Variants in GNA14 observed in about 807,000 individuals in gnomAD.
The protein encoded by GNA14 is guanine nucleotide-binding protein subunit alpha-14.
GNA14 carries 50 observed loss-of-function variants against 42.0 expected under a neutral mutation model. The observed-to-expected ratio is 1.19, with a 90% CI of 0.95 to 1.51. The LOEUF is 1.51. GNA14 is among the 40% of genes most tolerant of loss of function. GNA14 has a pLI of 0.00. For synonymous variants in GNA14, 173 were observed against 163.1 expected (o/e 1.06, Z -0.46); for missense variants, 473 against 446.2 (o/e 1.06, Z -0.54).
chr9:77,639,144 T>C (rs1414783098), intron 1 of GNA14, among the ~76,000 whole-genome samples: 2 of 152,180 alleles, frequency 1.3e-5, no homozygotes, highest in African/African-American at 2.4e-5. Flanking sequence ...CTTTGTAATT[T>C]GGCGCTGCCC....
intron 1 of GNA14, among the ~76,000 whole-genome samples, chr9:77,632,321 G>A (rs558284797): frequency 6.6e-6 from 1 of 152,294 alleles, no homozygotes; most frequent in Admixed American, 6.5e-5. Flanking sequence ...CAGGCTCCTG[G>A]ACAGGAGGTG....
intron 2 of GNA14, among the ~76,000 whole-genome samples, chr9:77,461,439 TA>T (rs35727446): frequency 6.6e-6 from 1 of 152,294 alleles, no homozygotes; most frequent in South Asian, 2.1e-4. Flanking sequence ...TATTATATTC[TA>T]AAAAGTAAAA....
chr9:77,465,452 A>G (rs1328228015), intron 2 of GNA14, among the ~76,000 whole-genome samples: 1 of 152,196 alleles, frequency 6.6e-6, no homozygotes, highest in Non-Finnish European at 1.5e-5. Flanking sequence ...CTTTTTGGCT[A>G]TGAGCATTCA....
At chr9:77,583,033 G>A (rs1414397896) in intron 1 of GNA14, among the ~76,000 whole-genome samples, 3 of 152,102 alleles carry the variant, frequency 2.0e-5, no homozygotes, top group Admixed American at 6.5e-5. Flanking sequence ...TGAAATTGTC[G>A]GTCAAACTGC....
rs911519570 is a variant in GNA14, at chr9:77,612,571, G to T, written c.124+35099C>A. 2.0e-5 allele frequency among the ~76,000 whole-genome samples: 3 copies of T among 151,730 alleles called. No individual in the cohort carries two copies. The South Asian group carries it at 6.2e-4, about 32-fold the overall frequency. Reference sequence around the variant, plus strand: ...GACACAAGAGCAAAAGAAAGACAAAGTTCACTCCTGCTCAATATCACTAAT... The same window carrying T: ...GACACAAGAGCAAAAGAAAGACAAATTTCACTCCTGCTCAATATCACTAAT... On this transcript the variant is annotated intron_variant, in intron 1 of 6. Transcript: ENST00000341700.
At chr9:77,543,176 G>C (rs1336873983) in intron 1 of GNA14, among the ~76,000 whole-genome samples, 1 of 152,210 alleles carries the variant, frequency 6.6e-6, no homozygotes, top group African/African-American at 2.4e-5. Flanking sequence ...AAGTGGTGTT[G>C]GCCTAAGGGC....
intron 2 of GNA14, among the ~76,000 whole-genome samples, chr9:77,501,942 C>G (rs78010932): frequency 0.035 from 5,351 of 151,924 alleles, 222 homozygotes; most frequent in African/African-American, 0.099. Context: ...CTCTTGACTT[C>G]GTGATCCACC....
chr9:77,506,177 G>A (rs1038440777), intron 2 of GNA14, among the ~76,000 whole-genome samples: 36 of 151,586 alleles, frequency 2.4e-4, no homozygotes, highest in Non-Finnish European at 4.4e-5. Context: ...ACCTACTTGG[G>A]AGGCTGAGGT....
Position 77,423,938 on chromosome 9 carries a change from A to G in GNA14, c.*41T>C. The G allele has an allele frequency of 7.0e-7, 1 of 1,431,510 alleles. No individual in the cohort carries two copies. 88.7% of individuals were successfully genotyped at this position (1,431,510 alleles called of 1,614,324 possible). On this transcript the variant is annotated 3_prime_UTR_variant, in exon 7 of 7. Transcript: ENST00000341700. The stretch of plus-strand genomic sequence containing the variant: ...TTGCAAATAAAACAAGGAGTTTGCA[A>G]ATCACATCTTCTGTTATAGGGGAGG...
Position 77,428,971 on chromosome 9 carries a change from G to A in GNA14, c.659C>T (p.Thr220Ile). ...RKWIHCFESV[T>I]SIIFLVALSE... Reference sequence around the variant, plus strand: ...CAGAGCAACCAAGAAAATAATGGAGGTGACACTCTCAAAGCAGTGAATCCA... The same window carrying A: ...CAGAGCAACCAAGAAAATAATGGAGATGACACTCTCAAAGCAGTGAATCCA... The change falls in exon 5 of 7, where the codon ACC becomes ATC. Residue 220 changes from threonine (T) to isoleucine (I), a missense_variant. Transcript: ENST00000341700. The A allele has an allele frequency of 3.7e-6, 6 of 1,613,594 alleles. No individual in the cohort carries two copies. Among genetic ancestry groups the A allele is most frequent in the Non-Finnish European group, 5.1e-6 (6 of 1,179,578 alleles).
At chr9:77,489,139 C>G (rs564236400) in intron 2 of GNA14, among the ~76,000 whole-genome samples, 7 of 151,900 alleles carry the variant, frequency 4.6e-5, no homozygotes, top group Admixed American at 3.9e-4. Flanking sequence ...AACTGAAAGA[C>G]TCATTAAAAG....
At chr9:77,437,860 TTAAG>T (rs1835664353) in intron 2 of GNA14, among the ~76,000 whole-genome samples, 2 of 152,228 alleles carry the variant, frequency 1.3e-5, no homozygotes, top group African/African-American at 4.8e-5. Flanking sequence ...ATCCACAAAG[TTAAG>T]TAAGCTGAAC....
At chr9:77,522,437 G>A (rs763689800) in intron 2 of GNA14, among the ~76,000 whole-genome samples, 2 of 152,158 alleles carry the variant, frequency 1.3e-5, no homozygotes, top group Non-Finnish European at 2.9e-5. Context: ...TCTAACCAAG[G>A]CAGCCCAGTT....
At chr9:77,540,436 G>A (rs890063955) in intron 1 of GNA14, among the ~76,000 whole-genome samples, 1 of 152,096 alleles carries the variant, frequency 6.6e-6, no homozygotes, top group South Asian at 2.1e-4. Flanking sequence ...TAAGAAGAAT[G>A]TATATTCTAT....
At chr9:77,574,540 T>C (rs1823102336) in intron 1 of GNA14, among the ~76,000 whole-genome samples, 1 of 152,172 alleles carries the variant, frequency 6.6e-6, no homozygotes, top group Non-Finnish European at 1.5e-5. Context: ...ATTTTAAATG[T>C]GTAGGAATAT....
At chr9:77,433,693 G>C (rs1489148098) in intron 3 of GNA14, among the ~76,000 whole-genome samples, 2 of 152,240 alleles carry the variant, frequency 1.3e-5, no homozygotes, top group African/African-American at 2.4e-5. Flanking sequence ...CTATGGGACA[G>C]TTTGCATGCT....
chr9:77,561,976 G>T (rs1277704152), intron 1 of GNA14, among the ~76,000 whole-genome samples: 1 of 151,978 alleles, frequency 6.6e-6, no homozygotes, highest in African/African-American at 2.4e-5. Context: ...CCCTTTTTGG[G>T]GATAAAGCCC....
intron 1 of GNA14, among the ~76,000 whole-genome samples, chr9:77,643,767 G>C (rs1280832626): frequency 6.6e-6 from 1 of 152,138 alleles, no homozygotes; most frequent in Non-Finnish European, 1.5e-5. Flanking sequence ...AAACATTTCT[G>C]TTAAAGCACT....
At chr9:77,457,645 C>T (rs1228412766) in intron 2 of GNA14, among the ~76,000 whole-genome samples, 1 of 152,146 alleles carries the variant, frequency 6.6e-6, no homozygotes, top group Non-Finnish European at 1.5e-5. Context: ...ATGTTTCCAG[C>T]GACCACATTT....
Sources: allele counts gnomAD v4.1 joint callset (sites outside exome capture counted in the v4.1 genomes callset), GRCh38; gene constraint gnomAD v4.1.1; transcripts MANE v1.5; gene names NCBI Gene and HGNC (gene_info 2026-07-23, HGNC 2026-07-21).